The following HECTD4 variants were observed in gnomAD, a reference collection of about 807,000 sequenced individuals.
The protein encoded by HECTD4 is HECT domain E3 ubiquitin protein ligase 4, also known as probable E3 ubiquitin-protein ligase HECTD4.
In HECTD4, 114 loss-of-function variants were observed where a neutral mutation model predicts 471.5. The ratio of observed to expected loss-of-function variants is 0.24; its 90% CI spans 0.21 to 0.28. HECTD4 has a LOEUF of 0.28. Among genes scored for constraint, HECTD4 ranks in the 10% least tolerant of loss-of-function variants. The pLI is 1.00. For missense variants in HECTD4, 3,866 were observed against 5,651.5 expected (o/e 0.68, Z 10.13); for synonymous variants, 2,012 against 2,256.0 (o/e 0.89, Z 3.07).
chr12:112,200,344 C>T (rs1337349393), intron 55 of HECTD4, among the ~76,000 whole-genome samples: 6 of 152,066 alleles, frequency 3.9e-5, no homozygotes, highest in East Asian at 1.9e-4. Flanking sequence ...AGTAGAGATG[C>T]GATTTCACCA....
At chr12:112,202,076 A>G (rs886962381) in intron 54 of HECTD4, among the ~76,000 whole-genome samples, 20 of 152,234 alleles carry the variant, frequency 1.3e-4, no homozygotes, top group Non-Finnish European at 2.9e-4. Context: ...ATCAGAAGGC[A>G]GTGGGAGATT....
chr12:112,216,877 G>A lies in HECTD4; in HGVS notation c.7281C>T (p.Asp2427=), dbSNP rs779546273. ...CTATGGGTCCGGTGTCATCATCGGT[G>A]TCTCCATAGGAAACGATTTCAATTT... is the stretch of plus-strand genomic sequence containing the variant. The part of the protein sequence containing the change: ...YWEIEIVSYG[D]TDDDTGPIVS... Residue 2427 remains aspartate, a synonymous_variant, in exon 47 of 76, where the codon GAC becomes GAT. Coordinates refer to ENST00000682272, the MANE Select transcript of HECTD4 (RefSeq NM_001388303.1). 4 of 1,614,020 alleles carry A rather than the reference G, an allele frequency of 2.5e-6. No individual in the cohort carries two copies. The South Asian group carries it at 3.3e-5, about 13-fold the overall frequency.
At chr12:112,210,273 A>G (rs1284490383) in intron 49 of HECTD4, 21 bp from the exon 50 acceptor site, 6 of 1,605,222 alleles carry the variant, frequency 3.7e-6, no homozygotes, top group Non-Finnish European at 4.3e-6. Context: ...GACCAAATGA[A>G]GGATTTGGAA....
chr12:112,174,135 G>A (rs1300102727), intron 66 of HECTD4, among the ~76,000 whole-genome samples: 1 of 150,606 alleles, frequency 6.6e-6, no homozygotes, highest in Non-Finnish European at 1.5e-5. Context: ...GCGCCACCAC[G>A]CTCGGCTAAT....
In HECTD4 at chr12:112,243,697, C is replaced by A. The variant is rs1386127180; in HGVS notation, c.4714G>T (p.Asp1572Tyr). 1.6e-5 allele frequency: 26 copies of A among 1,613,774 alleles called. No homozygotes were observed. Among genetic ancestry groups the A allele is most frequent in the Non-Finnish European group, 2.2e-5 (26 of 1,179,828 alleles). The stretch of plus-strand genomic sequence containing the variant: ...CTGTAGGTGGGCTTGTCCCTGCTGT[C>A]CTCAATGGCCAGCGACTGCAGGAGT... Reference protein sequence around the residue: ...FTLLQSLAIEDSRDKPTYSVL... With the variant: ...FTLLQSLAIEYSRDKPTYSVL... Residue 1572 changes from aspartate (D) to tyrosine (Y), a missense_variant, in exon 31 of 76, where the codon GAC (aspartate) becomes TAC (tyrosine). By Grantham distance (160) the Asp-to-Tyr change is radical. This residue lies in a region of HECTD4 where 229 missense variants were observed against 386.4 expected (regional missense o/e 0.59). Coordinates refer to ENST00000682272, the MANE Select transcript of HECTD4 (RefSeq NM_001388303.1). This position sits in a 1 kb window ranked among gnomAD's most constrained non-coding sequence, Gnocchi z 6.6.
At chr12:112,196,359 T>A (rs2032245325) in intron 55 of HECTD4, among the ~76,000 whole-genome samples, 1 of 152,198 alleles carries the variant, frequency 6.6e-6, no homozygotes, top group Admixed American at 6.5e-5. Flanking sequence ...GTAGGTGGTT[T>A]CTTCCTTATC....
At chr12:112,366,717 C>T (rs1472747008) in intron 1 of HECTD4, among the ~76,000 whole-genome samples, 1 of 151,284 alleles carries the variant, frequency 6.6e-6, no homozygotes, top group African/African-American at 2.4e-5. Flanking sequence ...CCCATCTCTA[C>T]TAAAAATACA....
In HECTD4 at chr12:112,166,728, C is replaced by A; in HGVS notation, c.12534+589G>T. 6.6e-6 allele frequency: 1 copy of A among 152,346 alleles called. No homozygotes were observed. Among genetic ancestry groups the A allele is most frequent in the Non-Finnish European group, 1.5e-5 (1 of 68,134 alleles). The allele number at this position is 152,346 out of a possible 1,614,324, so 9.4% of individuals were successfully genotyped here. A position where few individuals can be genotyped will look rare whatever the true frequency, so the allele number is the denominator to read the frequency against. On this transcript the variant is annotated intron_variant, in intron 72 of 75. Transcript: ENST00000682272. The surrounding 1 kb of genome is among the most constrained non-coding windows in gnomAD (Gnocchi z 4.6). ...ATGAAGGAGACGAGCCTGGACACTCCCTGAGGACAGGGCGAGTGCCCAGAG... is the reference window on the plus strand; with the variant it reads ...ATGAAGGAGACGAGCCTGGACACTCACTGAGGACAGGGCGAGTGCCCAGAG...
intron 1 of HECTD4, chr12:112,321,847 A>G (rs2035590134): frequency 6.6e-6 from 1 of 152,142 alleles, no homozygotes; most frequent in African/African-American, 2.4e-5. Flanking sequence ...CTGAATTAGA[A>G]GCTACTCAAT....
At chr12:112,283,049 T>C in intron 8 of HECTD4, 61 bp downstream of exon 8, 1 of 1,386,142 alleles carries the variant, frequency 7.2e-7, no homozygotes, top group Admixed American at 2.1e-5. Context: ...AAGTGCTCAA[T>C]AAGACGTAGC....
At position 112,186,813 on chromosome 12, in the gene HECTD4, A is replaced by G. The variant is rs138766170; in HGVS notation, c.9473-1320T>C. On this transcript the variant is annotated intron_variant, in intron 60 of 75. Transcript: ENST00000682272. ...GTCCAGAATAACTTGAATTACAGGC[A>G]TGTGCCACCACACCCAGCTAATTTT... Among the ~76,000 whole-genome samples the G allele has an allele frequency of 8.0e-5, 12 of 150,782 alleles. No individual in the cohort carries two copies. The East Asian group carries it at 2.2e-3, about 27-fold the overall frequency.
Position 112,381,754 on chromosome 12 carries a change from G to A in HECTD4, c.177+198C>T, listed in dbSNP as rs928236942. 2.0e-5 allele frequency among the ~76,000 whole-genome samples: 3 copies of A among 151,946 alleles called. No homozygotes were observed. Among genetic ancestry groups the A allele is most frequent in the Non-Finnish European group, 4.4e-5 (3 of 67,944 alleles). ...TCCCCTGCGGGCGCCAGGCCCCGAG[G>A]AGGGAGGGAGGGAGAGCGGGGCGGG... On this transcript the variant is annotated intron_variant, in intron 1 of 75. Coordinates refer to ENST00000682272, the MANE Select transcript of HECTD4 (RefSeq NM_001388303.1). This position sits in a 1 kb window ranked among gnomAD's most constrained non-coding sequence, Gnocchi z 4.1.
intron 7 of HECTD4, 66 bp downstream of exon 7, chr12:112,305,998 C>A: frequency 6.7e-7 from 1 of 1,492,820 alleles, no homozygotes; most frequent in Non-Finnish European, 9.1e-7. Context: ...CCTTTGCACA[C>A]CAATATAAAA....
chr12:112,308,766 T>C lies in HECTD4; in HGVS notation c.1151A>G (p.Gln384Arg), dbSNP rs1220771031. 6 of 1,535,654 alleles carry C rather than the reference T, an allele frequency of 3.9e-6. No individual in the cohort carries two copies. The African/African-American group carries it at 6.8e-5, about 18-fold the overall frequency. ...TTTTCTGTTTACCTGAAGGGTGTTC[T>C]GGTCAATGACCTGGAAAAGGGAGTG... Reference protein sequence around the residue: ...KPHSLFQVIDQNTLQVCQVVP... With the variant: ...KPHSLFQVIDRNTLQVCQVVP... Residue 384 changes from glutamine (Q) to arginine (R), a missense_variant, in exon 6 of 76, where the codon CAG (glutamine) becomes CGG (arginine). Coordinates refer to ENST00000682272, the MANE Select transcript of HECTD4 (RefSeq NM_001388303.1).
Position 112,279,406 on chromosome 12 carries a change from T to C in HECTD4, c.1529-20A>G. The C allele has an allele frequency of 6.4e-7, 1 of 1,569,680 alleles. No homozygotes were observed. The highest frequency in any genetic ancestry group is 8.6e-7 in the Non-Finnish European group (1 of 1,163,994). ...TATTTGCTGGAGAAAGGAATGAAAA[T>C]GCTAAATCAAAATATTTGACACAAA... On this transcript the variant is annotated intron_variant, in intron 8 of 75. Transcript: ENST00000682272.
At chr12:112,355,921 T>A (rs913396627) in intron 1 of HECTD4, among the ~76,000 whole-genome samples, 49 of 151,808 alleles carry the variant, frequency 3.2e-4, no homozygotes, top group Non-Finnish European at 1.3e-4. Context: ...ACTCAAATAA[T>A]TTTTTTTTAA....
Position 112,247,050 on chromosome 12 carries a change from G to A in HECTD4, c.4364C>T (p.Ser1455Phe), listed in dbSNP as rs749946027. Residue 1455 changes from serine to phenylalanine, a missense_variant, in exon 29 of 76, where the codon TCT (serine) becomes TTT (phenylalanine). Around this residue, in one of 16 missense-constraint regions of HECTD4, gnomAD observed 281 missense variants for 499.9 expected, o/e 0.56. Transcript: ENST00000682272. ...TGGGTGTGAGGGTTTCTGAATAAGA[G>A]AATTCACTTCTTGTAGGAACTTCTC... is the stretch of plus-strand genomic sequence containing the variant. The part of the protein sequence containing the change: ...LREKFLQEVN[S>F]LIQKPSHPLA... 2.5e-6 allele frequency: 4 copies of A among 1,608,552 alleles called. No individual in the cohort carries two copies. The East Asian group carries it at 6.7e-5, about 27-fold the overall frequency.
intron 1 of HECTD4, among the ~76,000 whole-genome samples, chr12:112,339,590 GTGTGTGTGTATGTT>G (rs2036019452): frequency 1.3e-5 from 2 of 152,082 alleles, no homozygotes; most frequent in Admixed American, 1.3e-4. Flanking sequence ...AGGGGTGTGT[GTGTGTGTGTATGTT>G]TGTGTGTGTA....
chr12:112,254,087 T>C lies in HECTD4; in HGVS notation c.3403A>G (p.Ser1135Gly). The C allele has an allele frequency of 6.2e-7, 1 of 1,614,038 alleles. No individual in the cohort carries two copies. Among genetic ancestry groups the C allele is most frequent in the Non-Finnish European group, 8.5e-7 (1 of 1,179,888 alleles). Reference protein sequence around the residue: ...EYGGNTLGYGSRSVLGTGWPK... With the variant: ...EYGGNTLGYGGRSVLGTGWPK... ...CAACCAGTTCCTAAGACACTACGGC[T>C]GCCATATCCCAGTGTGTTGCCTCCA... The change falls in exon 22 of 76, where the codon AGC becomes GGC. Residue 1135 changes from serine to glycine, a missense_variant. Physicochemically the swap from Ser to Gly is moderately conservative, Grantham distance 56. This residue lies in a region of HECTD4 where 281 missense variants were observed against 499.9 expected (regional missense o/e 0.56). Transcript: ENST00000682272.
Sources: allele counts gnomAD v4.1 joint callset (sites outside exome capture counted in the v4.1 genomes callset), GRCh38; gene constraint gnomAD v4.1.1; regional missense constraint gnomAD v4.1.1; non-coding constraint Gnocchi (gnomAD v3.1); transcripts MANE v1.5; gene names NCBI Gene and HGNC (gene_info 2026-07-23, HGNC 2026-07-21).